IQCH: variants seen among roughly 807,000 people sequenced by gnomAD.
IQCH encodes IQ motif containing H.
A neutral mutation model predicts 117.0 loss-of-function variants in IQCH; 98 were observed. The observed-to-expected ratio is 0.84, with a 90% CI of 0.71 to 0.99. The LOEUF (loss-of-function observed/expected upper bound fraction) is 0.99. Among genes scored for constraint, IQCH ranks in the 50% least tolerant of loss-of-function variants. The probability of loss-of-function intolerance (pLI) is 0.00; values close to 1 mark genes in which losing one functional copy is unlikely to be tolerated. For synonymous variants in IQCH, 412 were observed against 448.2 expected, an observed-to-expected ratio of 0.92 and a Z score of 1.02; for missense variants, 1,102 against 1,243.8, an observed-to-expected ratio of 0.89 and a Z score of 1.72.
In IQCH at chr15:67,269,022, TA is replaced by T. The variant is rs34421114; in HGVS notation, c.269+5819del. ...ATTCTTAAATACAAAGTACACTTGC[TA>T]AAAAAAAAAAAACCAACACTTGATA... On this transcript the variant is annotated intron_variant, in intron 3 of 20. Transcript: ENST00000335894. Among the ~76,000 whole-genome samples the T allele has an allele frequency of 1.2e-3, 165 of 138,632 alleles. 1 individual carries two copies. Among genetic ancestry groups the T allele is most frequent in the East Asian group, 7.9e-3 (39 of 4,964 alleles). The allele number at this position is 138,632 out of a possible 152,430, so 90.9% of individuals were successfully genotyped here.
chr15:67,415,976 T>G (rs2081566403), intron 14 of IQCH, among the ~76,000 whole-genome samples: 1 of 152,102 alleles, frequency 6.6e-6, no homozygotes, highest in Admixed American at 6.5e-5. Context: ...GGCAGGAGGA[T>G]CATTTGAACC....
rs1051583685 is a variant in IQCH at position 67,376,209 on chromosome 15, AC to A, written c.1372+2779del. On this transcript the variant is annotated intron_variant, in intron 10 of 20. Coordinates refer to ENST00000335894, the MANE Select transcript of IQCH (RefSeq NM_001031715.3). The surrounding 1 kb of genome is among the most constrained non-coding windows in gnomAD (Gnocchi z 5.0). Reference sequence around the variant, plus strand: ...GTATATATTTTTAAGGATATAGGGTACCCTTTTTTTGTGTACCACATCCCTG... The same window carrying A: ...GTATATATTTTTAAGGATATAGGGTACCTTTTTTTGTGTACCACATCCCTG... Among the ~76,000 whole-genome samples the A allele has an allele frequency of 5.3e-5, 8 of 152,296 alleles. No homozygotes were observed. Among genetic ancestry groups the A allele is most frequent in the South Asian group, 2.1e-4 (1 of 4,822 alleles).
intron 4 of IQCH, among the ~76,000 whole-genome samples, chr15:67,294,590 G>T (rs1423546891): frequency 6.6e-6 from 1 of 152,132 alleles, no homozygotes; most frequent in African/African-American, 2.4e-5. Flanking sequence ...CTTAAACACA[G>T]ATATGACATC....
intron 18 of IQCH, among the ~76,000 whole-genome samples, chr15:67,483,447 T>C (rs2083390731): frequency 6.6e-6 from 1 of 152,206 alleles, no homozygotes; most frequent in South Asian, 2.1e-4. Flanking sequence ...AACCCAGAAG[T>C]TGGAGGTTGC....
Position 67,405,966 on chromosome 15 carries a change from TG to T in IQCH, c.2097+5663del, listed in dbSNP as rs963567197. ...GCCATCAATACACACACCTCAGAGC[TG>T]GAGAGGAGGAGCCCTGCCTAGGAGT... On this transcript the variant is annotated intron_variant, in intron 14 of 20. Coordinates refer to ENST00000335894, the MANE Select transcript of IQCH (RefSeq NM_001031715.3). This position sits in a 1 kb window ranked among gnomAD's most constrained non-coding sequence, Gnocchi z 4.8. 3.9e-5 allele frequency: 6 copies of T among 152,164 alleles called. No homozygotes were observed. Among genetic ancestry groups the T allele is most frequent in the African/African-American group, 1.4e-4 (6 of 41,454 alleles). 9.4% of individuals were successfully genotyped at this position (152,164 alleles called of 1,614,324 possible).
intron 4 of IQCH, chr15:67,306,861 C>T (rs1437775101): frequency 5.2e-6 from 8 of 1,532,224 alleles, no homozygotes; most frequent in Non-Finnish European, 6.1e-6. Flanking sequence ...AAGAAGAAAT[C>T]CCTGGTACTG....
At chr15:67,274,763 T>C (rs1966051535) in intron 3 of IQCH, among the ~76,000 whole-genome samples, 2 of 152,280 alleles carry the variant, frequency 1.3e-5, no homozygotes, top group African/African-American at 4.8e-5. Context: ...TTTATTCCAG[T>C]CTTCTCTCTC....
In IQCH at chr15:67,445,616, T is replaced by G. The variant is rs941507347; in HGVS notation, c.2506-19511T>G. On this transcript the variant is annotated intron_variant, in intron 16 of 20. Coordinates refer to ENST00000335894, the MANE Select transcript of IQCH (RefSeq NM_001031715.3). This position sits in a 1 kb window ranked among gnomAD's most constrained non-coding sequence, Gnocchi z 4.3. ...ACCACACCAGGCTAATTTTTATATTTTTAGTAGAGACAGGGTTTCACCATG... is the reference window on the plus strand; with the variant it reads ...ACCACACCAGGCTAATTTTTATATTGTTAGTAGAGACAGGGTTTCACCATG... Among the ~76,000 whole-genome samples the G allele has an allele frequency of 1.3e-5, 2 of 152,144 alleles. No individual in the cohort carries two copies. The highest frequency in any genetic ancestry group is 4.8e-5 in the African/African-American group (2 of 41,410).
At chr15:67,349,368 C>T (rs1969548138) in intron 6 of IQCH, among the ~76,000 whole-genome samples, 1 of 152,060 alleles carries the variant, frequency 6.6e-6, no homozygotes, top group Non-Finnish European at 1.5e-5. Flanking sequence ...CCTGTAATCC[C>T]ACCACTTTGG....
rs965289449 is a variant in IQCH, at chr15:67,342,455, G to C, written c.509-1608G>C. Among the ~76,000 whole-genome samples, 4 of 152,064 alleles carry C rather than the reference G, an allele frequency of 2.6e-5. No homozygotes were observed. Among genetic ancestry groups the C allele is most frequent in the African/African-American group, 9.7e-5 (4 of 41,396 alleles). ...GTGTTTGTCTGAAATTAGGATAATT[G>C]CTTCAACCAGCACTAAAGCAAGGGT... On this transcript the variant is annotated intron_variant, in intron 5 of 20. Coordinates refer to ENST00000335894, the MANE Select transcript of IQCH (RefSeq NM_001031715.3). This position sits in a 1 kb window ranked among gnomAD's most constrained non-coding sequence, Gnocchi z 4.7.
intron 10 of IQCH, among the ~76,000 whole-genome samples, chr15:67,374,849 A>G (rs1435612238): frequency 6.6e-6 from 1 of 152,218 alleles, no homozygotes; most frequent in East Asian, 1.9e-4. Context: ...AGTCCTTCGA[A>G]TAAGGTGCAG....
chr15:67,469,237 A>T (rs779586545), intron 17 of IQCH, among the ~76,000 whole-genome samples: 18 of 152,058 alleles, frequency 1.2e-4, no homozygotes, highest in Non-Finnish European at 2.2e-4. Context: ...GGAGTTAGGG[A>T]TCATGAGTTC....
rs1459061479 is a variant in IQCH, at chr15:67,456,118, G to T, written c.2506-9009G>T. Among the ~76,000 whole-genome samples, 4 of 151,968 alleles carry T rather than the reference G, an allele frequency of 2.6e-5. No individual in the cohort carries two copies. The highest frequency in any genetic ancestry group is 4.4e-5 in the Non-Finnish European group (3 of 68,002). The stretch of plus-strand genomic sequence containing the variant: ...CAGAAGAAACTCAGAAAAGGAAGCA[G>T]AGAAAGCAAGAGTATATTAAAAGAT... On this transcript the variant is annotated intron_variant, in intron 16 of 20. Transcript: ENST00000335894. The surrounding 1 kb of genome is among the most constrained non-coding windows in gnomAD (Gnocchi z 5.1).
intron 4 of IQCH, among the ~76,000 whole-genome samples, chr15:67,312,496 C>A (rs1258152544): frequency 6.6e-6 from 1 of 152,044 alleles, no homozygotes; most frequent in Non-Finnish European, 1.5e-5. Flanking sequence ...ACCCTGTATT[C>A]TTTATGGGTG....
intron 4 of IQCH, among the ~76,000 whole-genome samples, chr15:67,336,183 A>C (rs933529425): frequency 6.6e-6 from 1 of 152,126 alleles, no homozygotes; most frequent in African/African-American, 2.4e-5. Context: ...TTCCCTTGGA[A>C]GTTATGTAAA....
rs892726658 is a variant in IQCH at position 67,447,963 on chromosome 15, C to T, written c.2506-17164C>T. On this transcript the variant is annotated intron_variant, in intron 16 of 20. Coordinates refer to ENST00000335894, the MANE Select transcript of IQCH (RefSeq NM_001031715.3). The surrounding 1 kb of genome is among the most constrained non-coding windows in gnomAD (Gnocchi z 5.3). ...CCCTCACTGGGCATTAATTTGCTTT[C>T]GTGTCTGTAGCAGGTATTTTCTACC... Among the ~76,000 whole-genome samples the T allele has an allele frequency of 2.0e-5, 3 of 152,106 alleles. No homozygotes were observed. The highest frequency in any genetic ancestry group is 4.8e-5 in the African/African-American group (2 of 41,404).
intron 4 of IQCH, chr15:67,307,073 G>A: frequency 7.8e-7 from 1 of 1,279,586 alleles, no homozygotes; most frequent in Non-Finnish European, 9.9e-7. Flanking sequence ...ACATTGCTTT[G>A]AATTGCTGCA....
chr15:67,418,539 A>ACACG (rs1328256918), intron 15 of IQCH, among the ~76,000 whole-genome samples: 1 of 150,050 alleles, frequency 6.7e-6, no homozygotes, highest in East Asian at 2.0e-4. Flanking sequence ...ACACACACAC[A>ACACG]CACACACACA....
At chr15:67,489,859 C>A in intron 18 of IQCH, 144 bp from the exon 19 acceptor site, 1 of 712,686 alleles carries the variant, frequency 1.4e-6, no homozygotes, top group Non-Finnish European at 2.5e-6. Flanking sequence ...GGCAGCCTTT[C>A]CAAATGTGTT....
Sources: allele counts gnomAD v4.1 joint callset (sites outside exome capture counted in the v4.1 genomes callset), GRCh38; gene constraint gnomAD v4.1.1; non-coding constraint Gnocchi (gnomAD v3.1); transcripts MANE v1.5; gene names NCBI Gene and HGNC (gene_info 2026-07-23, HGNC 2026-07-21).